PAPPA2: variants seen among roughly 807,000 people sequenced by gnomAD.
The protein encoded by PAPPA2 is pappalysin 2, also known as pappalysin-2.
PAPPA2 carries 86 observed loss-of-function variants against 176.4 expected under a neutral mutation model. That is an observed-to-expected ratio of 0.49 (90% CI 0.41 to 0.58). The LOEUF (loss-of-function observed/expected upper bound fraction) is 0.58, where lower values mean the gene tolerates loss of function less well. PAPPA2 is among the 20% of genes least tolerant of loss of function. The probability of loss-of-function intolerance (pLI) is 0.00; values close to 1 mark genes in which losing one functional copy is unlikely to be tolerated. For synonymous variants in PAPPA2, 809 were observed against 852.2 expected (o/e 0.95, Z 0.88); for missense variants, 2,073 against 2,256.9 (o/e 0.92, Z 1.65).
chr1:176,589,106 A>G (rs141763057), intron 2 of PAPPA2, among the ~76,000 whole-genome samples: 1 of 152,300 alleles, frequency 6.6e-6, no homozygotes, highest in East Asian at 1.9e-4. Context: ...CAGGATTACT[A>G]CTTTACAGAG....
At chr1:176,713,811 T>C (rs1661248632) in intron 12 of PAPPA2, among the ~76,000 whole-genome samples, 1 of 152,196 alleles carries the variant, frequency 6.6e-6, no homozygotes, top group Admixed American at 6.5e-5. Context: ...ATGTTTGTGT[T>C]TTGTATAACT....
intron 1 of PAPPA2, among the ~76,000 whole-genome samples, chr1:176,529,176 T>G (rs1558418966): frequency 6.6e-6 from 1 of 151,960 alleles, no homozygotes. Flanking sequence ...GACTCAGAAC[T>G]GGGACAAAAG....
chr1:176,619,058 T>C (rs1237585149), intron 3 of PAPPA2, among the ~76,000 whole-genome samples: 1 of 152,066 alleles, frequency 6.6e-6, no homozygotes, highest in Admixed American at 6.6e-5. Context: ...CTACTAATAA[T>C]TGAGAAACAA....
In PAPPA2 at chr1:176,792,165, A is replaced by T. The variant is rs533432505; in HGVS notation, c.5020+683A>T. On this transcript the variant is annotated intron_variant, in intron 19 of 22. Transcript: ENST00000367662. ...TTCTCTGCAGAGGAATAGGCTCCAGAGTCGTGGACAACTTCTTATTCAAGC... is the reference window on the plus strand; with the variant it reads ...TTCTCTGCAGAGGAATAGGCTCCAGTGTCGTGGACAACTTCTTATTCAAGC... Among the ~76,000 whole-genome samples, 8 of 152,346 alleles carry T rather than the reference A, an allele frequency of 5.3e-5. 1 individual carries two copies. The highest frequency in any genetic ancestry group is 1.4e-4 in the African/African-American group (6 of 41,578).
chr1:176,497,097 T>C (rs1460854316), intron 1 of PAPPA2, among the ~76,000 whole-genome samples: 5 of 152,186 alleles, frequency 3.3e-5, no homozygotes, highest in Non-Finnish European at 4.4e-5. Context: ...CTTAGAAATA[T>C]TGTGTTGCTT....
At chr1:176,637,891 A>G (rs901617898) in intron 3 of PAPPA2, among the ~76,000 whole-genome samples, 7 of 151,682 alleles carry the variant, frequency 4.6e-5, no homozygotes, top group Admixed American at 4.6e-4. Flanking sequence ...TTTTCCCCTG[A>G]CTGCCAACCT....
chr1:176,641,939 A>C (rs1026813697), intron 3 of PAPPA2, among the ~76,000 whole-genome samples: 1 of 151,966 alleles, frequency 6.6e-6, no homozygotes, highest in Non-Finnish European at 1.5e-5. Flanking sequence ...AAGCCAGTTC[A>C]AATAGTCACA....
intron 1 of PAPPA2, among the ~76,000 whole-genome samples, chr1:176,508,921 C>G (rs1648453878): frequency 1.3e-5 from 2 of 151,870 alleles, no homozygotes; most frequent in South Asian, 2.1e-4. Flanking sequence ...TCAATTAGAC[C>G]TTTTTTTTAA....
At chr1:176,675,512 G>A (rs1435068579) in intron 4 of PAPPA2, among the ~76,000 whole-genome samples, 1 of 151,970 alleles carries the variant, frequency 6.6e-6, no homozygotes, top group Non-Finnish European at 1.5e-5. Flanking sequence ...GAAAAATTAA[G>A]AAATGAATAG....
In PAPPA2 at chr1:176,556,527, G is replaced by A. The variant is rs200511037; in HGVS notation, c.205G>A (p.Gly69Arg). The A allele has an allele frequency of 1.5e-5, 24 of 1,614,178 alleles. No homozygotes were observed. The highest frequency in any genetic ancestry group is 1.8e-5 in the Non-Finnish European group (21 of 1,180,024). ...AGCTTCTCCACAGCATCACCTCTTT[G>A]GAGTCTACCCCAGCAGGGCTGGGAA... ...PRASPQHHLF[G>R]VYPSRAGNYL... is the part of the protein sequence containing the mutation. The change falls in exon 2 of 23, where the codon GGA becomes AGA. Residue 69 changes from glycine (G) to arginine (R), a missense_variant. Around this residue, in one of 4 missense-constraint regions of PAPPA2, gnomAD observed 1,196 missense variants for 1,330.4 expected, o/e 0.90. Coordinates refer to ENST00000367662, the MANE Select transcript of PAPPA2 (RefSeq NM_020318.3).
chr1:176,809,304 A>G (rs1422850465), intron 21 of PAPPA2, among the ~76,000 whole-genome samples: 1 of 152,236 alleles, frequency 6.6e-6, no homozygotes, highest in Admixed American at 6.5e-5. Context: ...AGTTGGGAGT[A>G]GAAAGGTGGG....
intron 1 of PAPPA2, among the ~76,000 whole-genome samples, chr1:176,522,067 T>C (rs568276404): frequency 5.9e-5 from 9 of 152,336 alleles, no homozygotes; most frequent in African/African-American, 2.2e-4. Flanking sequence ...ATCCAAACTC[T>C]GGCTTCCTCC....
intron 21 of PAPPA2, among the ~76,000 whole-genome samples, chr1:176,813,369 T>A (rs1443187832): frequency 6.6e-6 from 1 of 152,206 alleles, no homozygotes; most frequent in Non-Finnish European, 1.5e-5. Context: ...TGCCACACTG[T>A]CTTCTACAAT....
intron 1 of PAPPA2, among the ~76,000 whole-genome samples, chr1:176,529,908 T>A (rs1045102339): frequency 2.6e-5 from 4 of 152,066 alleles, no homozygotes; most frequent in Non-Finnish European, 5.9e-5. Flanking sequence ...TTTTAAAGAG[T>A]TTTTCTCCTC....
chr1:176,828,369 T>C (rs924387944), intron 21 of PAPPA2, among the ~76,000 whole-genome samples: 2 of 152,168 alleles, frequency 1.3e-5, no homozygotes, highest in African/African-American at 4.8e-5. Flanking sequence ...TGGTTTGTAG[T>C]TTGTAAAAAC....
chr1:176,648,402 C>T (rs1377493890), intron 3 of PAPPA2, among the ~76,000 whole-genome samples: 1 of 151,420 alleles, frequency 6.6e-6, no homozygotes, highest in African/African-American at 2.4e-5. Context: ...TGAGTCCTCT[C>T]TTTCTAGTTT....
At position 176,771,853 on chromosome 1, in the gene PAPPA2, G is replaced by A. The variant is rs561298556; in HGVS notation, c.4715+673G>A. ...TTTATAATGTAATTTAAGAGGAAAGGCTTCCAAGAGAGTCATCTTGGGGTT... is the reference window on the plus strand; with the variant it reads ...TTTATAATGTAATTTAAGAGGAAAGACTTCCAAGAGAGTCATCTTGGGGTT... On this transcript the variant is annotated intron_variant, in intron 17 of 22. Transcript: ENST00000367662. 2.6e-5 allele frequency among the ~76,000 whole-genome samples: 4 copies of A among 152,242 alleles called. No homozygotes were observed. In the East Asian group the frequency reaches 7.7e-4, roughly 29 times the overall value.
intron 1 of PAPPA2, among the ~76,000 whole-genome samples, chr1:176,497,167 T>C (rs1009852061): frequency 6.6e-6 from 1 of 152,210 alleles, no homozygotes; most frequent in Non-Finnish European, 1.5e-5. Flanking sequence ...TTATATAAAG[T>C]CTTCACGTGT....
intron 1 of PAPPA2, among the ~76,000 whole-genome samples, chr1:176,480,123 C>A (rs897690549): frequency 1.3e-5 from 2 of 152,038 alleles, no homozygotes; most frequent in Admixed American, 1.3e-4. Flanking sequence ...GGGGAGGGGT[C>A]TGTGTGGAGA....
Sources: gnomAD v4.1 joint callset for allele counts (sites outside exome capture counted in the v4.1 genomes callset) on GRCh38, gnomAD v4.1.1 for gene constraint, gnomAD v4.1.1 regional missense constraint, MANE v1.5 for transcripts, NCBI Gene and HGNC (gene_info 2026-07-23, HGNC 2026-07-21) for gene names.